FOCAD: variants seen among roughly 807,000 people sequenced by gnomAD.
FOCAD encodes KIAA1797.
Under a neutral mutation model 225.6 loss-of-function variants are expected in FOCAD, and 198 were observed. The ratio of observed to expected loss-of-function variants is 0.88; its 90% CI spans 0.78 to 0.99. The LOEUF is 0.99. Among genes scored for constraint, FOCAD ranks in the 50% least tolerant of loss-of-function variants. The probability of loss-of-function intolerance (pLI) is 0.00; values close to 1 mark genes in which losing one functional copy is unlikely to be tolerated. For missense variants in FOCAD, 2,713 were observed against 2,123.6 expected (o/e 1.28, Z -5.46); for synonymous variants, 897 against 755.0 (o/e 1.19, Z -3.08).
intron 21 of FOCAD, among the ~76,000 whole-genome samples, chr9:20,889,504 TATTCACTGA>T (rs1314155726): frequency 6.6e-6 from 1 of 152,226 alleles, no homozygotes; most frequent in Non-Finnish European, 1.5e-5. Flanking sequence ...TACCATCTTT[TATTCACTGA>T]ATTACCTAGG....
Position 20,764,897 on chromosome 9 carries a change from G to A in FOCAD, c.523G>A (p.Ala175Thr), listed in dbSNP as rs531535960. 4.3e-6 allele frequency: 7 copies of A among 1,613,894 alleles called. No homozygotes were observed. The Admixed American group carries it at 1.0e-4, about 23-fold the overall frequency. Residue 175 changes from alanine (A) to threonine (T), a missense_variant, in exon 7 of 44, where the codon GCA (alanine) becomes ACA (threonine). By Grantham distance (58) the Ala-to-Thr change is moderately conservative (BLOSUM62 0). Coordinates refer to ENST00000338382, the MANE Select transcript of FOCAD (RefSeq NM_001375567.1). ...AGAAGTTTCATGCATTCAAATAATG[G>A]CACCATTTCTGTGGTATCTGTATTG... ...RLEVSCIQIM[A>T]PFLWYLYCEP...
At chr9:20,800,816 G>C (rs1432031363) in intron 11 of FOCAD, among the ~76,000 whole-genome samples, 2 of 152,028 alleles carry the variant, frequency 1.3e-5, no homozygotes, top group African/African-American at 4.8e-5. Flanking sequence ...GCTCGGAGAA[G>C]TTTGATGTTC....
chr9:20,990,739 C>T (rs1320096389), intron 42 of FOCAD, among the ~76,000 whole-genome samples: 1 of 152,120 alleles, frequency 6.6e-6, no homozygotes, highest in Non-Finnish European at 1.5e-5. Flanking sequence ...GATTGCAAAT[C>T]GTGTGATAAG....
chr9:20,824,741 T>A (rs1230956757), intron 15 of FOCAD, among the ~76,000 whole-genome samples: 1 of 152,122 alleles, frequency 6.6e-6, no homozygotes, highest in East Asian at 1.9e-4. Context: ...AAAAAAGACC[T>A]AGTGTAATAT....
intron 35 of FOCAD, among the ~76,000 whole-genome samples, chr9:20,953,445 A>C (rs72703986): frequency 0.017 from 2,653 of 152,222 alleles, 29 homozygotes; most frequent in South Asian, 0.034. Context: ...TTGCAAGTAG[A>C]TCTTCTCCCT....
intron 18 of FOCAD, among the ~76,000 whole-genome samples, chr9:20,873,178 A>G (rs1829945481): frequency 6.6e-6 from 1 of 152,088 alleles, no homozygotes; most frequent in Non-Finnish European, 1.5e-5. Flanking sequence ...TCTCTTGGTT[A>G]TATACCTAGG....
chr9:20,724,437 A>G (rs1826035143), intron 4 of FOCAD, among the ~76,000 whole-genome samples: 1 of 152,194 alleles, frequency 6.6e-6, no homozygotes, highest in African/African-American at 2.4e-5. Flanking sequence ...GAGTTTTAAC[A>G]GTGGAAGGAT....
intron 40 of FOCAD, 108 bp from the exon 41 acceptor site, chr9:20,988,224 T>C (rs2132681287): frequency 3.3e-6 from 2 of 608,234 alleles, no homozygotes; most frequent in Admixed American, 3.1e-5. Context: ...AACTGGTTAA[T>C]GGAATCCTCA....
At chr9:20,802,945 G>A (rs1346472773) in intron 11 of FOCAD, among the ~76,000 whole-genome samples, 1 of 152,094 alleles carries the variant, frequency 6.6e-6, no homozygotes, top group Non-Finnish European at 1.5e-5. Flanking sequence ...CAGTATATAT[G>A]TGAAAGTAAT....
chr9:20,758,959 C>G (rs1261098018), intron 6 of FOCAD, among the ~76,000 whole-genome samples: 1 of 152,090 alleles, frequency 6.6e-6, no homozygotes, highest in African/African-American at 2.4e-5. Context: ...CACAAGCATT[C>G]TTATACACCA....
At chr9:20,972,031 T>C (rs942611509) in intron 35 of FOCAD, among the ~76,000 whole-genome samples, 2 of 152,158 alleles carry the variant, frequency 1.3e-5, no homozygotes, top group African/African-American at 4.8e-5. Context: ...ACCAATTGGC[T>C]GTTGTGAATA....
At chr9:20,796,059 G>A (rs922021351) in intron 11 of FOCAD, among the ~76,000 whole-genome samples, 16 of 150,834 alleles carry the variant, frequency 1.1e-4, no homozygotes, top group African/African-American at 3.2e-4. Flanking sequence ...GTGAGAACAT[G>A]CGGTGTTTGG....
chr9:20,765,569 G>A (rs191636288), intron 7 of FOCAD, among the ~76,000 whole-genome samples: 57 of 152,306 alleles, frequency 3.7e-4, no homozygotes, highest in African/African-American at 6.0e-4. Context: ...CAGGGATCCT[G>A]CTCTTGAGAA....
At chr9:20,849,265 T>A (rs1001909338) in intron 15 of FOCAD, among the ~76,000 whole-genome samples, 2 of 151,898 alleles carry the variant, frequency 1.3e-5, no homozygotes, top group African/African-American at 4.8e-5. Context: ...CTTGGTGCCC[T>A]TTGTTTCCTC....
chr9:20,714,114 G>A (rs1825108099), intron 1 of FOCAD, among the ~76,000 whole-genome samples: 1 of 152,092 alleles, frequency 6.6e-6, no homozygotes, highest in Non-Finnish European at 1.5e-5. Context: ...AAATGCTCGG[G>A]ACCAGAAGTG....
chr9:20,868,356 T>C (rs554997137), intron 18 of FOCAD, among the ~76,000 whole-genome samples: 2 of 152,264 alleles, frequency 1.3e-5, no homozygotes, highest in South Asian at 4.1e-4. Flanking sequence ...GCTTGAGTAA[T>C]AGCTTTTATT....
chr9:20,742,499 C>A (rs1291628243), intron 5 of FOCAD, among the ~76,000 whole-genome samples: 1 of 152,216 alleles, frequency 6.6e-6, no homozygotes, highest in Non-Finnish European at 1.5e-5. Context: ...CATCGGCATA[C>A]CTGTGAACCT....
At chr9:20,902,469 A>G (rs1192176125) in intron 21 of FOCAD, among the ~76,000 whole-genome samples, 1 of 151,952 alleles carries the variant, frequency 6.6e-6, no homozygotes, top group African/African-American at 2.4e-5. Context: ...CTTGGCCAGC[A>G]GTTATTTCTT....
intron 5 of FOCAD, among the ~76,000 whole-genome samples, chr9:20,753,131 C>T (rs1010203971): frequency 6.6e-6 from 1 of 152,146 alleles, no homozygotes; most frequent in Non-Finnish European, 1.5e-5. Context: ...TTCCTCTTTT[C>T]CTAACTGAAT....
Sources: allele counts gnomAD v4.1 joint callset (sites outside exome capture counted in the v4.1 genomes callset), GRCh38; gene constraint gnomAD v4.1.1; transcripts MANE v1.5; gene names NCBI Gene and HGNC (gene_info 2026-07-23, HGNC 2026-07-21).